The following SRGAP3 variants were observed in gnomAD, a reference collection of about 807,000 sequenced individuals.
The protein encoded by SRGAP3 is SLIT-ROBO Rho GTPase activating protein 3, also known as SLIT-ROBO Rho GTPase-activating protein 3.
In SRGAP3, 39 loss-of-function variants were observed where a neutral mutation model predicts 121.1. The ratio of observed to expected loss-of-function variants is 0.32; its 90% CI spans 0.25 to 0.42. The LOEUF is 0.42. Ranked by LOEUF, SRGAP3 falls within the 10% of genes least tolerant of loss-of-function variation. The probability of loss-of-function intolerance (pLI) is 1.00; values close to 1 mark genes in which losing one functional copy is unlikely to be tolerated. For missense variants in SRGAP3, 1,213 were observed against 1,470.6 expected (o/e 0.82, Z 2.86); for synonymous variants, 601 against 570.0 (o/e 1.05, Z -0.77).
chr3:9,315,277 G>A (rs912127557), intron 3 of SRGAP3, among the ~76,000 whole-genome samples: 2 of 152,204 alleles, frequency 1.3e-5, no homozygotes, highest in Non-Finnish European at 2.9e-5. Context: ...GGTGGAAAGA[G>A]GGCCCCTGCC....
At chr3:9,247,949 C>A (rs998152356) in intron 1 of SRGAP3, among the ~76,000 whole-genome samples, 2 of 152,222 alleles carry the variant, frequency 1.3e-5, no homozygotes, top group Non-Finnish European at 1.5e-5. Flanking sequence ...AAGCCCCAGT[C>A]TGGCCTGAAT....
At chr3:9,359,505 A>C (rs2030687870) in intron 1 of SRGAP3, among the ~76,000 whole-genome samples, 1 of 152,228 alleles carries the variant, frequency 6.6e-6, no homozygotes, top group South Asian at 2.1e-4. Flanking sequence ...ACCATATCAA[A>C]AAGTGATTGG....
At chr3:9,241,577 T>C (rs998664793) in intron 1 of SRGAP3, among the ~76,000 whole-genome samples, 3 of 152,254 alleles carry the variant, frequency 2.0e-5, no homozygotes, top group Non-Finnish European at 4.4e-5. Flanking sequence ...GAATATTTCC[T>C]CTCCCAGTGA....
intron 18 of SRGAP3, among the ~76,000 whole-genome samples, chr3:9,001,058 G>C (rs1047520591): frequency 6.6e-6 from 1 of 152,194 alleles, no homozygotes; most frequent in African/African-American, 2.4e-5. Flanking sequence ...AGTAAGAGCA[G>C]AATACTGCTT....
At chr3:9,283,148 C>T (rs750806846) in intron 3 of SRGAP3, among the ~76,000 whole-genome samples, 8 of 151,864 alleles carry the variant, frequency 5.3e-5, no homozygotes, top group Non-Finnish European at 1.2e-4. Context: ...TCCATGTTGC[C>T]CAGGCTGGTC....
chr3:9,345,478 T>A (rs112921551), intron 1 of SRGAP3, among the ~76,000 whole-genome samples: 407 of 110,864 alleles, frequency 3.7e-3, no homozygotes, highest in Middle Eastern at 0.015. Flanking sequence ...CAAGACCCCA[T>A]CTCAAAAAAA....
At chr3:9,220,281 A>G (rs1952768297) in intron 1 of SRGAP3, among the ~76,000 whole-genome samples, 1 of 147,962 alleles carries the variant, frequency 6.8e-6, no homozygotes, top group Non-Finnish European at 1.5e-5. Flanking sequence ...CATGTATCAG[A>G]ATACCACATG....
chr3:9,111,868 C>G (rs1041434357), intron 2 of SRGAP3, among the ~76,000 whole-genome samples: 10 of 152,228 alleles, frequency 6.6e-5, no homozygotes, highest in Non-Finnish European at 1.0e-4. Context: ...GTCGACCCAG[C>G]AAGCAGAAGC....
At chr3:9,202,732 C>G (rs1022334824) in intron 1 of SRGAP3, among the ~76,000 whole-genome samples, 2 of 152,252 alleles carry the variant, frequency 1.3e-5, no homozygotes, top group Non-Finnish European at 2.9e-5. Context: ...GCCTGGGACT[C>G]TGTGCCTCGC....
At chr3:9,281,542 T>TTTA (rs35128183) in intron 3 of SRGAP3, among the ~76,000 whole-genome samples, 52 of 151,764 alleles carry the variant, frequency 3.4e-4, no homozygotes, top group Admixed American at 1.8e-3. Flanking sequence ...TGTACTTACT[T>TTTA]TTATTATTAT....
chr3:9,192,025 C>T (rs893771888), intron 1 of SRGAP3, among the ~76,000 whole-genome samples: 11 of 152,282 alleles, frequency 7.2e-5, no homozygotes, highest in African/African-American at 2.6e-4. Flanking sequence ...GAACCATGAG[C>T]GAATTAAATC....
At chr3:9,188,527 C>A (rs1951665491) in intron 1 of SRGAP3, among the ~76,000 whole-genome samples, 1 of 152,226 alleles carries the variant, frequency 6.6e-6, no homozygotes, top group Admixed American at 6.5e-5. Flanking sequence ...TCTCCACCTT[C>A]TTATCCACTG....
chr3:9,250,568 G>T (rs995422973), upstream of SRGAP3, among the ~76,000 whole-genome samples: 3 of 152,156 alleles, frequency 2.0e-5, no homozygotes, highest in Admixed American at 1.3e-4. Flanking sequence ...AGGAACATCG[G>T]GAATGAGAGG....
intron 3 of SRGAP3, among the ~76,000 whole-genome samples, chr3:9,266,397 C>A (rs1475938467): frequency 6.6e-6 from 1 of 151,976 alleles, no homozygotes; most frequent in East Asian, 1.9e-4. Flanking sequence ...ATCTAAATAG[C>A]CACATGTGGC....
chr3:9,272,716 T>A (rs1035393180), intron 3 of SRGAP3, among the ~76,000 whole-genome samples: 6 of 152,238 alleles, frequency 3.9e-5, no homozygotes, highest in Admixed American at 6.5e-5. Flanking sequence ...CTATGAATAT[T>A]GGTATAACTA....
chr3:9,158,115 G>A (rs11719696), intron 1 of SRGAP3, among the ~76,000 whole-genome samples: 3 of 152,134 alleles, frequency 2.0e-5, no homozygotes, highest in African/African-American at 7.2e-5. Flanking sequence ...GCTCGGGCCT[G>A]TAACAAATTG....
intron 3 of SRGAP3, among the ~76,000 whole-genome samples, chr3:9,325,783 G>A (rs1955507889): frequency 6.6e-6 from 1 of 151,936 alleles, no homozygotes; most frequent in African/African-American, 2.4e-5. Flanking sequence ...AGTTATTCAT[G>A]TATAAGGCTG....
intron 3 of SRGAP3, among the ~76,000 whole-genome samples, chr3:9,282,067 C>T (rs1455691323): frequency 6.6e-6 from 1 of 152,232 alleles, no homozygotes; most frequent in Non-Finnish European, 1.5e-5. Flanking sequence ...TTTCCAAACC[C>T]TGTCTTCTGA....
intron 21 of SRGAP3, among the ~76,000 whole-genome samples, chr3:8,986,654 A>G (rs1336409082): frequency 6.6e-6 from 1 of 152,144 alleles, no homozygotes; most frequent in Non-Finnish European, 1.5e-5. Flanking sequence ...TTTCTTGGAG[A>G]TTATGTATCA....
Sources: allele counts gnomAD v4.1 joint callset (sites outside exome capture counted in the v4.1 genomes callset), GRCh38; gene constraint gnomAD v4.1.1; transcripts MANE v1.5; gene names NCBI Gene and HGNC (gene_info 2026-07-23, HGNC 2026-07-21).